Variants in MBOAT1 observed in about 807,000 individuals in gnomAD.
MBOAT1 encodes the protein membrane-bound glycerophospholipid O-acyltransferase 1.
A neutral mutation model predicts 64.4 loss-of-function variants in MBOAT1; 67 were observed. The ratio of observed to expected loss-of-function variants is 1.04; its 90% CI spans 0.85 to 1.27. The LOEUF (loss-of-function observed/expected upper bound fraction) is 1.27, where lower values mean the gene tolerates loss of function less well. Among genes scored for constraint, MBOAT1 ranks in the 50% most tolerant of loss-of-function variants. The pLI is 0.00. For missense variants in MBOAT1, 563 were observed against 604.6 expected, an observed-to-expected ratio of 0.93 and a Z score of 0.72; for synonymous variants, 229 against 218.9, an observed-to-expected ratio of 1.05 and a Z score of -0.41.
chr6:20,209,443 T>A (rs1185056773), intron 1 of MBOAT1, among the ~76,000 whole-genome samples: 1 of 151,838 alleles, frequency 6.6e-6, no homozygotes, highest in Non-Finnish European at 1.5e-5. Context: ...AATGGAAGAA[T>A]CAGATGAAAA....
intron 1 of MBOAT1, among the ~76,000 whole-genome samples, chr6:20,175,296 G>T (rs1762308596): frequency 6.6e-6 from 1 of 152,104 alleles, no homozygotes; most frequent in South Asian, 2.1e-4. Flanking sequence ...TGTTGCCCAG[G>T]TGGGAGTGCA....
intron 10 of MBOAT1, among the ~76,000 whole-genome samples, chr6:20,113,850 A>G (rs1166464234): frequency 6.6e-6 from 1 of 151,288 alleles, no homozygotes; most frequent in Non-Finnish European, 1.5e-5. Flanking sequence ...ATAAAAAAAT[A>G]AAAAATAAAA....
At chr6:20,170,316 C>T (rs1390766907) in intron 1 of MBOAT1, among the ~76,000 whole-genome samples, 1 of 152,174 alleles carries the variant, frequency 6.6e-6, no homozygotes, top group Non-Finnish European at 1.5e-5. Context: ...CCAATGCCTA[C>T]AGAAATCCTC....
At chr6:20,151,445 T>C (rs902269082) in intron 2 of MBOAT1, among the ~76,000 whole-genome samples, 183 bp from the exon 3 acceptor site, 1 of 152,266 alleles carries the variant, frequency 6.6e-6, no homozygotes, top group Non-Finnish European at 1.5e-5. Flanking sequence ...ATTAAGATGC[T>C]GTATCATAAC....
intron 4 of MBOAT1, among the ~76,000 whole-genome samples, chr6:20,131,692 A>T: frequency 6.6e-6 from 1 of 152,370 alleles, no homozygotes; most frequent in South Asian, 2.1e-4. Flanking sequence ...TTTATTAAAT[A>T]AAATAGAAAA....
At chr6:20,146,814 G>A (rs906898248) in intron 3 of MBOAT1, among the ~76,000 whole-genome samples, 9 of 152,204 alleles carry the variant, frequency 5.9e-5, no homozygotes, top group East Asian at 5.8e-4. Context: ...ACAGGGCAAC[G>A]CATTCATGCC....
Position 20,168,735 on chromosome 6 carries a change from A to G in MBOAT1, c.100-15966T>C, listed in dbSNP as rs372174205. On this transcript the variant is annotated intron_variant, in intron 1 of 12. Transcript: ENST00000324607. The stretch of plus-strand genomic sequence containing the variant: ...GAGGAGAGAGAAGGGAAGGAAAAGG[A>G]AGGGAGGGAGGGAGGAAGGAAGGGA... Among the ~76,000 whole-genome samples, 3 of 96,376 alleles carry G rather than the reference A, an allele frequency of 3.1e-5. No individual in the cohort carries two copies. In the East Asian group the frequency reaches 9.7e-4, roughly 31 times the overall value. 63.2% of individuals were successfully genotyped at this position (96,376 alleles called of 152,430 possible). A position where few individuals can be genotyped will look rare whatever the true frequency, so the allele number is the denominator to read the frequency against.
chr6:20,192,906 G>GACAC (rs1191932109), intron 1 of MBOAT1, among the ~76,000 whole-genome samples: 7 of 151,330 alleles, frequency 4.6e-5, no homozygotes, highest in South Asian at 2.1e-4. Flanking sequence ...GAGCTCACAG[G>GACAC]ACACACCTCA....
At chr6:20,156,599 G>C (rs964483453) in intron 1 of MBOAT1, among the ~76,000 whole-genome samples, 1 of 152,190 alleles carries the variant, frequency 6.6e-6, no homozygotes, top group African/African-American at 2.4e-5. Context: ...GAACCAGACT[G>C]AGATACCACT....
chr6:20,210,111 C>G (rs1471658238), intron 1 of MBOAT1, among the ~76,000 whole-genome samples: 2 of 152,186 alleles, frequency 1.3e-5, no homozygotes, highest in Admixed American at 6.5e-5. Flanking sequence ...GACCCTGATA[C>G]AAGAACCTTC....
At chr6:20,205,473 G>A (rs1378979899) in intron 1 of MBOAT1, among the ~76,000 whole-genome samples, 1 of 152,092 alleles carries the variant, frequency 6.6e-6, no homozygotes, top group African/African-American at 2.4e-5. Context: ...CAAATGCCAG[G>A]GAATATATGG....
At chr6:20,158,676 G>A (rs1039333238) in intron 1 of MBOAT1, among the ~76,000 whole-genome samples, 5 of 151,936 alleles carry the variant, frequency 3.3e-5, no homozygotes, top group Non-Finnish European at 7.4e-5. Flanking sequence ...AAATCATAAG[G>A]GGCTCATATT....
At position 20,113,025 on chromosome 6, in the gene MBOAT1, G is replaced by T. The variant is rs1181260233; in HGVS notation, c.1077-17C>A. 7 of 1,609,678 alleles carry T rather than the reference G, an allele frequency of 4.3e-6. No individual in the cohort carries two copies. The highest frequency in any genetic ancestry group is 5.9e-6 in the Non-Finnish European group (7 of 1,178,504). On this transcript the variant is annotated splice_polypyrimidine_tract_variant and intron_variant, in intron 10 of 12. Transcript: ENST00000324607. ...TAGCACACACTGTGAAGAGAGGAAG[G>T]AACAAGACACAGGTGAAACATACCA...
At chr6:20,184,885 G>A in intron 1 of MBOAT1, among the ~76,000 whole-genome samples, 1 of 126,134 alleles carries the variant, frequency 7.9e-6, no homozygotes, top group South Asian at 2.3e-4. Flanking sequence ...ACTGCAGTGT[G>A]TGTGTGTGTG....
intron 8 of MBOAT1, among the ~76,000 whole-genome samples, chr6:20,121,152 C>A (rs996958876): frequency 6.6e-6 from 1 of 152,162 alleles, no homozygotes; most frequent in African/African-American, 2.4e-5. Context: ...TAGGCTAACA[C>A]AGTGCAGCTC....
intron 5 of MBOAT1, among the ~76,000 whole-genome samples, chr6:20,130,642 C>T (rs1001539260): frequency 4.6e-5 from 7 of 151,612 alleles, no homozygotes; most frequent in African/African-American, 1.5e-4. Context: ...TGTGAGCCAC[C>T]GTGCCTGGCC....
chr6:20,173,273 A>G (rs1762253310), intron 1 of MBOAT1, among the ~76,000 whole-genome samples: 1 of 152,206 alleles, frequency 6.6e-6, no homozygotes, highest in African/African-American at 2.4e-5. Flanking sequence ...CTATGAAGAA[A>G]ATGTGAGTTT....
Position 20,118,842 on chromosome 6 carries a change from C to A in MBOAT1, c.908-302G>T, listed in dbSNP as rs1042971611. 5.3e-5 allele frequency among the ~76,000 whole-genome samples: 8 copies of A among 151,942 alleles called. 1 individual carries two copies. Among genetic ancestry groups the A allele is most frequent in the Admixed American group, 5.2e-4 (8 of 15,250 alleles). On this transcript the variant is annotated intron_variant, in intron 8 of 12. Coordinates refer to ENST00000324607, the MANE Select transcript of MBOAT1 (RefSeq NM_001080480.3). ...TGAGAATAAACAAGAAACGAAGAAC[C>A]GAAATGAATAAATAAACAGTAGAAT...
intron 1 of MBOAT1, among the ~76,000 whole-genome samples, chr6:20,164,634 C>CT (rs1187270880): frequency 2.2e-4 from 3 of 13,754 alleles, no homozygotes; most frequent in East Asian, 9.1e-3. Flanking sequence ...GATAAGGCAT[C>CT]TTTTAAAAAA....
Sources: gnomAD v4.1 joint callset for allele counts (sites outside exome capture counted in the v4.1 genomes callset) on GRCh38, gnomAD v4.1.1 for gene constraint, MANE v1.5 for transcripts, NCBI Gene and HGNC (gene_info 2026-07-23, HGNC 2026-07-21) for gene names.